The following CTIF variants were observed in gnomAD, a reference collection of about 807,000 sequenced individuals.
The protein encoded by CTIF is cap binding complex dependent translation initiation factor.
A neutral mutation model predicts 66.0 loss-of-function variants in CTIF; 21 were observed. The ratio of observed to expected loss-of-function variants is 0.32; its 90% CI spans 0.23 to 0.46. The LOEUF (loss-of-function observed/expected upper bound fraction) is 0.46. Among genes scored for constraint, CTIF ranks in the 20% least tolerant of loss-of-function variants. The pLI is 1.00. For synonymous variants in CTIF, 345 were observed against 326.4 expected (o/e 1.06, Z -0.62); for missense variants, 739 against 812.7 (o/e 0.91, Z 1.10).
intron 3 of CTIF, among the ~76,000 whole-genome samples, chr18:48,655,703 C>T (rs1171962059): frequency 6.6e-6 from 1 of 152,170 alleles, no homozygotes; most frequent in Non-Finnish European, 1.5e-5. Flanking sequence ...GGGCTGGCCA[C>T]CTCTGCCCCA....
At chr18:48,813,463 G>A (rs533791134) in intron 9 of CTIF, among the ~76,000 whole-genome samples, 1 of 152,050 alleles carries the variant, frequency 6.6e-6, no homozygotes, top group East Asian at 1.9e-4. Context: ...ATTGCTCTGC[G>A]CCTCCCTCAA....
chr18:48,622,391 G>A (rs1469899116), intron 2 of CTIF, among the ~76,000 whole-genome samples: 2 of 152,048 alleles, frequency 1.3e-5, no homozygotes, highest in Admixed American at 6.5e-5. Context: ...GGGGGAGAGG[G>A]AGAGGCCAGG....
chr18:48,674,610 G>A (rs559501458), intron 6 of CTIF, among the ~76,000 whole-genome samples: 12 of 152,342 alleles, frequency 7.9e-5, no homozygotes, highest in African/African-American at 2.6e-4. Context: ...ATCTGGCTGT[G>A]TTTCCACAAC....
Position 48,862,047 on chromosome 18 carries a change from A to G in CTIF, c.*2488A>G, listed in dbSNP as rs1364397027. 3 of 151,422 alleles carry G rather than the reference A, an allele frequency of 2.0e-5. No homozygotes were observed. Among genetic ancestry groups the G allele is most frequent in the Non-Finnish European group, 4.4e-5 (3 of 68,014 alleles). The allele number at this position is 151,422 out of a possible 1,614,324, so 9.4% of individuals were successfully genotyped here. A position where few individuals can be genotyped will look rare whatever the true frequency, so the allele number is the denominator to read the frequency against. On this transcript the variant is annotated 3_prime_UTR_variant, in exon 12 of 12. Coordinates refer to ENST00000256413, the MANE Select transcript of CTIF (RefSeq NM_014772.3). ...TTTCAGATATGGAAGGAAAACGTTA[A>G]GACTATTTTTTTTTTAAAGAAACAA...
At chr18:48,668,634 G>A (rs149678589) in intron 5 of CTIF, among the ~76,000 whole-genome samples, 1 of 151,872 alleles carries the variant, frequency 6.6e-6, no homozygotes, top group Non-Finnish European at 1.5e-5. Flanking sequence ...CCCCTAACAT[G>A]CTCTAGCCAC....
intron 9 of CTIF, among the ~76,000 whole-genome samples, chr18:48,808,012 TATG>T (rs908462257): frequency 3.9e-5 from 6 of 152,192 alleles, no homozygotes; most frequent in Middle Eastern, 3.2e-3. Context: ...ATTGTTTCCT[TATG>T]ATAATTACCA....
chr18:48,645,460 A>C (rs1486671735), intron 3 of CTIF, among the ~76,000 whole-genome samples: 1 of 152,044 alleles, frequency 6.6e-6, no homozygotes, highest in East Asian at 1.9e-4. Flanking sequence ...ACCCCCATCC[A>C]TCCCAGCCAA....
At chr18:48,701,136 G>A (rs1316045488) in intron 6 of CTIF, among the ~76,000 whole-genome samples, 1 of 152,186 alleles carries the variant, frequency 6.6e-6, no homozygotes, top group Non-Finnish European at 1.5e-5. Flanking sequence ...GAGGGGCCAG[G>A]ACACAGGCCA....
At chr18:48,719,257 CTG>C (rs2092310580) in intron 7 of CTIF, among the ~76,000 whole-genome samples, 1 of 152,136 alleles carries the variant, frequency 6.6e-6, no homozygotes, top group African/African-American at 2.4e-5. Context: ...GGCAAGGACT[CTG>C]GGGGATACCA....
intron 3 of CTIF, among the ~76,000 whole-genome samples, chr18:48,663,094 T>A (rs189013630): frequency 9.5e-4 from 145 of 152,038 alleles, no homozygotes; most frequent in African/African-American, 3.4e-3. Flanking sequence ...TTTTAAAGAG[T>A]GTGACGATGG....
rs1599127188 is a variant in CTIF, at chr18:48,550,830, T to C, written c.-29+11518T>C. On this transcript the variant is annotated intron_variant, in intron 1 of 11. Transcript: ENST00000256413. ...CCATGCTTCATGGAAAAAAAAGTAT[T>C]TTTAAGGCAAGATACATATTTCTAG... 2.6e-5 allele frequency among the ~76,000 whole-genome samples: 4 copies of C among 152,278 alleles called. No homozygotes were observed. In the East Asian group the frequency reaches 7.7e-4, roughly 29 times the overall value.
chr18:48,813,951 A>G (rs1045361385), intron 9 of CTIF, among the ~76,000 whole-genome samples: 3 of 152,194 alleles, frequency 2.0e-5, no homozygotes, highest in African/African-American at 4.8e-5. Context: ...CTTTGCTAGT[A>G]CTGACAGATA....
intron 1 of CTIF, among the ~76,000 whole-genome samples, chr18:48,559,819 G>A (rs569141300): frequency 6.6e-5 from 10 of 152,198 alleles, no homozygotes; most frequent in South Asian, 2.1e-4. Flanking sequence ...GGTGAGAGGC[G>A]GGTGAAGATC....
intron 1 of CTIF, among the ~76,000 whole-genome samples, chr18:48,617,673 C>T (rs970683633): frequency 1.3e-5 from 2 of 152,192 alleles, no homozygotes; most frequent in Non-Finnish European, 2.9e-5. Context: ...CTCCCATGCC[C>T]CTGCCTGTGG....
intron 1 of CTIF, among the ~76,000 whole-genome samples, chr18:48,601,691 C>T (rs2090093819): frequency 1.3e-5 from 2 of 152,252 alleles, no homozygotes; most frequent in African/African-American, 4.8e-5. Flanking sequence ...CACCCACCCT[C>T]ACTGGCTTCT....
At chr18:48,832,273 A>G (rs2068709572) in intron 10 of CTIF, among the ~76,000 whole-genome samples, 1 of 149,514 alleles carries the variant, frequency 6.7e-6, no homozygotes, top group Non-Finnish European at 1.5e-5. Flanking sequence ...CCAGGCTCAA[A>G]CAATCATCCC....
At chr18:48,850,482 A>T (rs1296376647) in intron 10 of CTIF, among the ~76,000 whole-genome samples, 1 of 152,228 alleles carries the variant, frequency 6.6e-6, no homozygotes, top group Non-Finnish European at 1.5e-5. Flanking sequence ...CCCCAAAATG[A>T]GCTGTCTCTT....
chr18:48,575,285 T>C (rs2089505859), intron 1 of CTIF, among the ~76,000 whole-genome samples: 1 of 152,214 alleles, frequency 6.6e-6, no homozygotes, highest in Non-Finnish European at 1.5e-5. Context: ...GGTGATGCTT[T>C]GCCCCCCGAC....
intron 6 of CTIF, chr18:48,692,622 A>G (rs2091946838): frequency 6.6e-6 from 1 of 152,244 alleles, no homozygotes; most frequent in Non-Finnish European, 1.5e-5. Context: ...CTTCTGATTC[A>G]GGAGGACTAG....
Sources: gnomAD v4.1 joint callset for allele counts (sites outside exome capture counted in the v4.1 genomes callset) on GRCh38, gnomAD v4.1.1 for gene constraint, MANE v1.5 for transcripts, NCBI Gene and HGNC (gene_info 2026-07-23, HGNC 2026-07-21) for gene names.